Variants in ANXA10 observed in about 807,000 individuals in gnomAD.
ANXA10 encodes annexin 14.
In ANXA10, 49 loss-of-function variants were observed where a neutral mutation model predicts 53.5. That is an observed-to-expected ratio of 0.92 (90% CI 0.73 to 1.16). The LOEUF is 1.16. Ranked by LOEUF, ANXA10 falls within the 50% of genes most tolerant of loss-of-function variation. The pLI is 0.00. For synonymous variants in ANXA10, 131 were observed against 128.9 expected, an observed-to-expected ratio of 1.02 and a Z score of -0.11; for missense variants, 393 against 394.4, an observed-to-expected ratio of 1.00 and a Z score of 0.03.
chr4:168,156,717 A>G (rs982503132), intron 3 of ANXA10, among the ~76,000 whole-genome samples: 1 of 151,524 alleles, frequency 6.6e-6, no homozygotes, highest in African/African-American at 2.4e-5. Flanking sequence ...GTTAGCCAGT[A>G]TGGTCTCGAT....
At chr4:168,155,347 ATATTATATATTATATAATG>A (rs1731590090) in intron 3 of ANXA10, among the ~76,000 whole-genome samples, 1 of 124,382 alleles carries the variant, frequency 8.0e-6, no homozygotes, top group Non-Finnish European at 1.6e-5. Flanking sequence ...TATATATAAT[ATATTATATATTATATAATG>A]TATTATATAT....
intron 1 of ANXA10, chr4:168,113,361 C>G (rs955474848): frequency 8.6e-4 from 114 of 132,584 alleles, no homozygotes; most frequent in African/African-American, 3.2e-3. Context: ...CTGGTGAGAG[C>G]CCAGTCTCTG....
At chr4:168,169,399 A>G (rs1731941605) in intron 6 of ANXA10, among the ~76,000 whole-genome samples, 1 of 152,206 alleles carries the variant, frequency 6.6e-6, no homozygotes, top group African/African-American at 2.4e-5. Context: ...AAATCCTAAT[A>G]TCAAACAAGT....
chr4:168,122,387 T>C (rs541170698), intron 1 of ANXA10, among the ~76,000 whole-genome samples: 13 of 152,344 alleles, frequency 8.5e-5, no homozygotes, highest in African/African-American at 2.4e-4. Flanking sequence ...AACTCGCACA[T>C]ACATTTTAAG....
chr4:168,115,628 C>A (rs1004097381), intron 1 of ANXA10, among the ~76,000 whole-genome samples: 1 of 151,548 alleles, frequency 6.6e-6, no homozygotes, highest in Non-Finnish European at 1.5e-5. Flanking sequence ...AAAATGGAAA[C>A]GTTTTTGTTC....
chr4:168,110,563 ATTTCT>A (rs1157294099), intron 1 of ANXA10, among the ~76,000 whole-genome samples: 1 of 151,544 alleles, frequency 6.6e-6, no homozygotes, highest in East Asian at 1.9e-4. Context: ...ACTGGCTGTT[ATTTCT>A]AACTCTGTAA....
chr4:168,093,018 C>G (rs572200671), intron 1 of ANXA10, among the ~76,000 whole-genome samples: 26 of 151,808 alleles, frequency 1.7e-4, no homozygotes, highest in Non-Finnish European at 3.1e-4. Context: ...TTGAGCATAC[C>G]TAAGAATCCA....
At chr4:168,136,749 G>T (rs576843194) in intron 2 of ANXA10, among the ~76,000 whole-genome samples, 2 of 152,122 alleles carry the variant, frequency 1.3e-5, no homozygotes, top group Non-Finnish European at 2.9e-5. Flanking sequence ...ACCATTCTAG[G>T]ATCTGAAGGA....
At chr4:168,135,959 A>G (rs943825382) in intron 2 of ANXA10, among the ~76,000 whole-genome samples, 2 of 152,142 alleles carry the variant, frequency 1.3e-5, no homozygotes, top group Non-Finnish European at 2.9e-5. Context: ...ATGGCTGGGG[A>G]GACCTCAGGA....
At chr4:168,106,930 A>C (rs1018163000) in intron 1 of ANXA10, among the ~76,000 whole-genome samples, 8 of 152,172 alleles carry the variant, frequency 5.3e-5, no homozygotes, top group Non-Finnish European at 1.2e-4. Context: ...AATGCATTAC[A>C]TATAAAAGTT....
chr4:168,100,659 A>C (rs1350171427), intron 1 of ANXA10, among the ~76,000 whole-genome samples: 1 of 152,114 alleles, frequency 6.6e-6, no homozygotes, highest in African/African-American at 2.4e-5. Flanking sequence ...ATTTTGTCAA[A>C]CTATACGGTT....
At chr4:168,110,623 T>G (rs1393297584) in intron 1 of ANXA10, among the ~76,000 whole-genome samples, 1 of 152,162 alleles carries the variant, frequency 6.6e-6, no homozygotes, top group African/African-American at 2.4e-5. Context: ...ATTCTAAAAC[T>G]TTTGTTTCCA....
intron 11 of ANXA10, among the ~76,000 whole-genome samples, chr4:168,186,559 G>T (rs1214922139): frequency 6.6e-6 from 1 of 152,156 alleles, no homozygotes; most frequent in Non-Finnish European, 1.5e-5. Context: ...TGAGAAGAAG[G>T]CTGTCTACGA....
chr4:168,135,433 T>C (rs184206882), intron 2 of ANXA10, among the ~76,000 whole-genome samples: 2 of 152,142 alleles, frequency 1.3e-5, no homozygotes, highest in Non-Finnish European at 2.9e-5. Context: ...AGAGAAAGAA[T>C]TTAAAATTGC....
At chr4:168,137,347 T>C (rs1383254197) in intron 2 of ANXA10, among the ~76,000 whole-genome samples, 1 of 152,236 alleles carries the variant, frequency 6.6e-6, no homozygotes, top group African/African-American at 2.4e-5. Context: ...TGCATACTTG[T>C]GGAGTCTGTG....
intron 1 of ANXA10, among the ~76,000 whole-genome samples, chr4:168,119,095 C>CA (rs1730945186): frequency 6.6e-6 from 1 of 152,062 alleles, no homozygotes; most frequent in African/African-American, 2.4e-5. Context: ...TTTTCTTCAA[C>CA]AATGTGTAAG....
chr4:168,144,078 C>T (rs1285718264), intron 3 of ANXA10, among the ~76,000 whole-genome samples: 1 of 152,226 alleles, frequency 6.6e-6, no homozygotes, highest in Non-Finnish European at 1.5e-5. Flanking sequence ...GCAAGCCTAT[C>T]ATCTAACAGT....
At chr4:168,118,098 T>G (rs1730927335) in intron 1 of ANXA10, among the ~76,000 whole-genome samples, 1 of 152,102 alleles carries the variant, frequency 6.6e-6, no homozygotes, top group African/African-American at 2.4e-5. Context: ...TTCTTTTTTT[T>G]TTTTTTCCTC....
chr4:168,116,996 G>GGCACACACACACACAC, intron 1 of ANXA10, among the ~76,000 whole-genome samples: 1 of 151,130 alleles, frequency 6.6e-6, no homozygotes, highest in East Asian at 1.9e-4. Flanking sequence ...TTTTCACACA[G>GGCACACACACACACAC]ACACACACAC....
Sources: allele counts gnomAD v4.1 joint callset (sites outside exome capture counted in the v4.1 genomes callset), GRCh38; gene constraint gnomAD v4.1.1; transcripts MANE v1.5; gene names NCBI Gene and HGNC (gene_info 2026-07-23, HGNC 2026-07-21).